The following NRAP variants were observed in gnomAD, a reference collection of about 807,000 sequenced individuals.
The protein encoded by NRAP is nebulin related anchoring protein.
NRAP carries 189 observed loss-of-function variants against 225.9 expected under a neutral mutation model. The observed-to-expected ratio is 0.84, with a 90% CI of 0.74 to 0.94. The LOEUF is 0.94. Ranked by LOEUF, NRAP falls within the 40% of genes least tolerant of loss-of-function variation. NRAP has a pLI of 0.00. For synonymous variants in NRAP, 769 were observed against 790.7 expected (o/e 0.97, Z 0.46); for missense variants, 2,176 against 2,168.7 (o/e 1.00, Z -0.07).
chr10:113,609,546 G>A (rs898757882), intron 31 of NRAP, among the ~76,000 whole-genome samples: 2 of 152,176 alleles, frequency 1.3e-5, no homozygotes, highest in Non-Finnish European at 2.9e-5. Flanking sequence ...AGAAAGCTTA[G>A]AATTCTAAGA....
chr10:113,661,215 G>A (rs1004349486), intron 3 of NRAP, among the ~76,000 whole-genome samples: 1 of 152,154 alleles, frequency 6.6e-6, no homozygotes, highest in Non-Finnish European at 1.5e-5. Flanking sequence ...TTTCCTCACC[G>A]TAAAATGGGA....
chr10:113,657,622 A>T lies in NRAP; in HGVS notation c.256-48T>A, dbSNP rs764755739. 2.7e-5 allele frequency: 30 copies of T among 1,105,222 alleles called. No homozygotes were observed. The East Asian group carries it at 7.1e-4, about 26-fold the overall frequency. 68.5% of individuals were successfully genotyped at this position (1,105,222 alleles called of 1,614,324 possible). ...GTAATGTTTCCATCAGAAAAGAGAA[A>T]AAAACATAGACAAACAATTCCTAGC... On this transcript the variant is annotated intron_variant, in intron 3 of 41. Transcript: ENST00000359988.
intron 34 of NRAP, 59 bp downstream of exon 34, chr10:113,605,703 T>C (rs1183418479): frequency 9.7e-6 from 11 of 1,131,752 alleles, no homozygotes; most frequent in Non-Finnish European, 1.5e-5. Flanking sequence ...CCGTAGACAT[T>C]GTTTTACATG....
intron 20 of NRAP, among the ~76,000 whole-genome samples, chr10:113,626,885 C>A (rs1015337196): frequency 5.3e-5 from 8 of 152,220 alleles, no homozygotes; most frequent in Admixed American, 3.9e-4. Context: ...TTCTGTCCCC[C>A]CTCCGGGACT....
chr10:113,596,027 TAGA>T (rs915608800), intron 37 of NRAP, among the ~76,000 whole-genome samples: 22 of 152,324 alleles, frequency 1.4e-4, no homozygotes, highest in African/African-American at 5.3e-4. Flanking sequence ...TTTTACACAG[TAGA>T]AGATGTGTAG....
chr10:113,608,570 C>T, intron 31 of NRAP, 58 bp from the exon 32 acceptor site: 2 of 1,104,092 alleles, frequency 1.8e-6, no homozygotes, highest in Non-Finnish European at 2.7e-6. Flanking sequence ...AAACCAGAAG[C>T]AGAACCAGTT....
At chr10:113,654,653 T>C (rs1180437435) in intron 4 of NRAP, among the ~76,000 whole-genome samples, 2 of 151,960 alleles carry the variant, frequency 1.3e-5, no homozygotes, top group African/African-American at 2.4e-5. Flanking sequence ...ATAAGTACAA[T>C]AAGAATCTTT....
At chr10:113,618,902 C>G (rs1847822177) in intron 25 of NRAP, among the ~76,000 whole-genome samples, 1 of 152,140 alleles carries the variant, frequency 6.6e-6, no homozygotes, top group Non-Finnish European at 1.5e-5. Context: ...GCCAAGATCA[C>G]TCCACTGCAC....
chr10:113,589,778 A>G lies in NRAP; in HGVS notation c.4976T>C (p.Leu1659Ser). The G allele has an allele frequency of 6.2e-7, 1 of 1,614,098 alleles. No individual in the cohort carries two copies. Among genetic ancestry groups the G allele is most frequent in the Non-Finnish European group, 8.5e-7 (1 of 1,180,004 alleles). Residue 1659 changes from leucine (L) to serine (S), a missense_variant, in exon 41 of 42, where the codon TTG becomes TCG. Physicochemically the swap from Leu to Ser is moderately radical, Grantham distance 145 (BLOSUM62 -2). Around this residue, in one of 3 missense-constraint regions of NRAP, gnomAD observed 445 missense variants for 426.1 expected, o/e 1.04. Coordinates refer to ENST00000359988, the MANE Select transcript of NRAP (RefSeq NM_198060.4). ...CCAGCCAACACCTCTGGTCAGGTTC[A>G]AGTCTGATTTATACTTGACCTTGAG... ...LQSDVKYKSDLNLTRGVGWTP... is the reference protein window; with the variant it reads ...LQSDVKYKSDSNLTRGVGWTP...
intron 38 of NRAP, among the ~76,000 whole-genome samples, chr10:113,595,034 G>A (rs182297997): frequency 1.3e-5 from 2 of 152,260 alleles, no homozygotes; most frequent in Non-Finnish European, 2.9e-5. Flanking sequence ...TACAACCAGG[G>A]GCCTCCAACC....
chr10:113,630,368 TGATGATGGCAGC>T (rs1216885689), intron 18 of NRAP, among the ~76,000 whole-genome samples: 1 of 152,052 alleles, frequency 6.6e-6, no homozygotes, highest in African/African-American at 2.4e-5. Context: ...GTGATGATGG[TGATGATGGCAGC>T]AATGATGGTG....
rs769992758 is a variant in NRAP at position 113,592,273 on chromosome 10, G to A, written c.4565C>T (p.Thr1522Ile). The A allele has an allele frequency of 8.7e-6, 14 of 1,612,714 alleles. No individual in the cohort carries two copies. In the Admixed American group the frequency reaches 2.2e-4, roughly 25 times the overall value. ...CCTGAAGTCATAACTGCCAGCCCGG[G>A]TCTGCTCCCAGGAGTTTCTGTAGAC... ...DKVYRNSWEQ[T>I]RAGSYDFRLD... The change falls in exon 39 of 42, where the codon ACC becomes ATC. Residue 1522 changes from threonine to isoleucine, a missense_variant. Thr to Ile is a moderately conservative substitution (Grantham distance 89). Coordinates refer to ENST00000359988, the MANE Select transcript of NRAP (RefSeq NM_198060.4).
intron 4 of NRAP, among the ~76,000 whole-genome samples, chr10:113,656,554 A>G (rs1474753826): frequency 1.3e-5 from 2 of 152,220 alleles, no homozygotes; most frequent in Admixed American, 6.5e-5. Flanking sequence ...ACATATATAC[A>G]TATATAATTT....
intron 32 of NRAP, among the ~76,000 whole-genome samples, chr10:113,607,948 C>T (rs1466901221): frequency 6.6e-6 from 1 of 152,184 alleles, no homozygotes; most frequent in Non-Finnish European, 1.5e-5. Flanking sequence ...ATTGAGAAGC[C>T]TGACAAACAT....
In NRAP at chr10:113,590,523, C is replaced by T. The variant is rs974449737; in HGVS notation, c.4956+55G>A. The T allele has an allele frequency of 8.3e-6, 13 of 1,557,810 alleles. No individual in the cohort carries two copies. In the African/African-American group the frequency reaches 1.4e-4, roughly 16 times the overall value. Reference sequence around the variant, plus strand: ...ATGGAACGTGGCATTATGGCCATCTCTTAGGAAGAGGCACCAGGGGAAGGG... The same window carrying T: ...ATGGAACGTGGCATTATGGCCATCTTTTAGGAAGAGGCACCAGGGGAAGGG... On this transcript the variant is annotated intron_variant, in intron 40 of 41. Coordinates refer to ENST00000359988, the MANE Select transcript of NRAP (RefSeq NM_198060.4).
intron 34 of NRAP, 70 bp downstream of exon 34, chr10:113,605,692 G>C: frequency 9.8e-7 from 1 of 1,022,500 alleles, no homozygotes; most frequent in East Asian, 2.4e-5. Context: ...AGGAAAATCA[G>C]CCGTAGACAT....
chr10:113,624,781 A>G (rs764058997), intron 22 of NRAP, 45 bp downstream of exon 22: 2 of 1,433,986 alleles, frequency 1.4e-6, no homozygotes, highest in African/African-American at 2.8e-5. Flanking sequence ...GTGGCTATAC[A>G]CAAAGGGGAG....
chr10:113,612,415 C>G lies in NRAP; in HGVS notation c.3317G>C (p.Gly1106Ala). 6.2e-7 allele frequency: 1 copy of G among 1,614,008 alleles called. No homozygotes were observed. The highest frequency in any genetic ancestry group is 8.5e-7 in the Non-Finnish European group (1 of 1,179,936). Residue 1106 changes from glycine (G) to alanine (A), a missense_variant, in exon 30 of 42, where the codon GGC becomes GCC. By Grantham distance (60) the Gly-to-Ala change is moderately conservative. Coordinates refer to ENST00000359988, the MANE Select transcript of NRAP (RefSeq NM_198060.4). ...SLQSDVNYKKGFEHSKAQFHL... is the reference protein window; with the variant it reads ...SLQSDVNYKKAFEHSKAQFHL... ...GAACTGCGCCTTTGAGTGTTCAAAG[C>G]CTTTCTTGTAATTCACCTAGAGGGG...
intron 35 of NRAP, among the ~76,000 whole-genome samples, chr10:113,602,445 A>C (rs1339630171): frequency 6.6e-6 from 1 of 152,112 alleles, no homozygotes; most frequent in Non-Finnish European, 1.5e-5. Flanking sequence ...GGCCCTCAGG[A>C]TTGCTTAGCA....
Sources: allele counts gnomAD v4.1 joint callset (sites outside exome capture counted in the v4.1 genomes callset), GRCh38; gene constraint gnomAD v4.1.1; regional missense constraint gnomAD v4.1.1; transcripts MANE v1.5; gene names NCBI Gene and HGNC (gene_info 2026-07-23, HGNC 2026-07-21).